The following KCNH5 variants were observed in gnomAD, a reference collection of about 807,000 sequenced individuals.
The protein encoded by KCNH5 is voltage-gated delayed rectifier potassium channel KCNH5.
Under a neutral mutation model 96.1 loss-of-function variants are expected in KCNH5, and 46 were observed. That is an observed-to-expected ratio of 0.48 (90% CI 0.38 to 0.61). The LOEUF (loss-of-function observed/expected upper bound fraction) is 0.61. KCNH5 is among the 20% of genes least tolerant of loss of function. KCNH5 has a pLI of 0.00. For missense variants in KCNH5, 907 were observed against 1,225.8 expected (o/e 0.74, Z 3.88); for synonymous variants, 439 against 449.8 (o/e 0.98, Z 0.30).
chr14:63,031,411 AG>A (rs1891623700), intron 1 of KCNH5, among the ~76,000 whole-genome samples: 1 of 152,190 alleles, frequency 6.6e-6, no homozygotes, highest in African/African-American at 2.4e-5. Flanking sequence ...GGTTATATTC[AG>A]TCAATAAAGG....
At position 62,950,245 on chromosome 14, in the gene KCNH5, G is replaced by A. The variant is rs372290413; in HGVS notation, c.1257C>T (p.Tyr419=). 1.5e-4 allele frequency: 234 copies of A among 1,613,764 alleles called. No individual in the cohort carries two copies. Among genetic ancestry groups the A allele is most frequent in the Non-Finnish European group, 1.8e-4 (215 of 1,179,876 alleles). ...WEGGPSKDSL[Y]VSSLYFTMTS... Reference sequence around the variant, plus strand: ...TCATGGTAAAGTAGAGAGAGGACACGTACAATGAATCCTTGCTGGGTCCTC... The same window carrying A: ...TCATGGTAAAGTAGAGAGAGGACACATACAATGAATCCTTGCTGGGTCCTC... The change falls in exon 7 of 11, where the codon TAC becomes TAT. Residue 419 remains tyrosine (Y), a synonymous_variant. Transcript: ENST00000322893.
chr14:62,873,597 T>C (rs1273473839), intron 7 of KCNH5, among the ~76,000 whole-genome samples: 1 of 152,256 alleles, frequency 6.6e-6, no homozygotes, highest in Non-Finnish European at 1.5e-5. Context: ...CTTTGAATTA[T>C]ATAGCGTTTG....
Position 62,702,875 on chromosome 14 carries a change from C to T in KCNH5, c.*4633G>A, listed in dbSNP as rs1031447930. On this transcript the variant is annotated 3_prime_UTR_variant, in exon 11 of 11. Transcript: ENST00000322893. The stretch of plus-strand genomic sequence containing the variant: ...GAATTTTGTTATAAGAGTGTCTGCC[C>T]ATGTGGAATCATATATCTTGAACAG... 6.6e-6 allele frequency: 1 copy of T among 151,778 alleles called. No individual in the cohort carries two copies. Among genetic ancestry groups the T allele is most frequent in the African/African-American group, 2.4e-5 (1 of 41,360 alleles). 9.4% of individuals were successfully genotyped at this position (151,778 alleles called of 1,614,324 possible). A position where few individuals can be genotyped will look rare whatever the true frequency, so the allele number is the denominator to read the frequency against.
chr14:62,712,731 T>G, intron 10 of KCNH5: 1 of 776,508 alleles, frequency 1.3e-6, no homozygotes, highest in Admixed American at 1.7e-5. Flanking sequence ...AAGCAGTGAA[T>G]TGAACACAAT....
At position 62,708,139 on chromosome 14, in the gene KCNH5, C is replaced by A. The variant is rs746510026; in HGVS notation, c.2336G>T (p.Arg779Leu). ...KTSESLKQNN[R>L]DAMELKPNGG... ...GTTGGGCTTGAGTTCCATGGCATCA[C>A]GGTTGTTCTGCTTAAGGGATTCACT... is the stretch of plus-strand genomic sequence containing the variant. Residue 779 changes from arginine to leucine, a missense_variant, in exon 11 of 11, where the codon CGT (arginine) becomes CTT (leucine). Transcript: ENST00000322893. 1.9e-6 allele frequency: 3 copies of A among 1,614,090 alleles called. No individual in the cohort carries two copies. Among genetic ancestry groups the A allele is most frequent in the Non-Finnish European group, 2.5e-6 (3 of 1,180,064 alleles).
At chr14:62,741,313 T>C (rs946093556) in intron 10 of KCNH5, among the ~76,000 whole-genome samples, 9 of 152,172 alleles carry the variant, frequency 5.9e-5, no homozygotes, top group African/African-American at 2.2e-4. Flanking sequence ...TGGTTTAGAC[T>C]GGAAGAAGTC....
intron 6 of KCNH5, among the ~76,000 whole-genome samples, chr14:62,952,648 C>T (rs764367062): frequency 2.4e-4 from 36 of 152,072 alleles, no homozygotes; most frequent in Non-Finnish European, 3.7e-4. Flanking sequence ...TCATTTCTAC[C>T]TGAATTCTTT....
rs1884362272 is a variant in KCNH5 at position 62,702,417 on chromosome 14, A to G, written c.*5091T>C. 1 of 152,060 alleles carries G rather than the reference A, an allele frequency of 6.6e-6. No homozygotes were observed. The highest frequency in any genetic ancestry group is 2.4e-5 in the African/African-American group (1 of 41,456). 9.4% of individuals were successfully genotyped at this position (152,060 alleles called of 1,614,324 possible). A position where few individuals can be genotyped will look rare whatever the true frequency, so the allele number is the denominator to read the frequency against. ...CCTAGACTAGATGGTTGAACTAGAT[A>G]GTTCTTGTAATGTCAGTATTCTACA... On this transcript the variant is annotated 3_prime_UTR_variant, in exon 11 of 11. Transcript: ENST00000322893.
intron 1 of KCNH5, among the ~76,000 whole-genome samples, chr14:63,039,505 CAT>C (rs2139632513): frequency 6.6e-6 from 1 of 151,998 alleles, no homozygotes; most frequent in East Asian, 1.9e-4. Flanking sequence ...AAAGATGTCT[CAT>C]AGAGAAAAAA....
intron 2 of KCNH5, among the ~76,000 whole-genome samples, chr14:63,013,751 T>C (rs1347460087): frequency 6.6e-6 from 1 of 152,136 alleles, no homozygotes; most frequent in Non-Finnish European, 1.5e-5. Flanking sequence ...TTTAGGCTTT[T>C]TTTTACTTGA....
chr14:62,957,836 G>A (rs971176906), intron 6 of KCNH5, among the ~76,000 whole-genome samples: 1 of 152,160 alleles, frequency 6.6e-6, no homozygotes, highest in African/African-American at 2.4e-5. Flanking sequence ...GCTGACCACA[G>A]ATGCATGAGT....
Position 63,002,543 on chromosome 14 carries a change from G to A in KCNH5, c.305-1084C>T, listed in dbSNP as rs115600083. Among the ~76,000 whole-genome samples the A allele has an allele frequency of 4.1e-3, 623 of 152,230 alleles. 4 individuals carry two copies. The highest frequency in any genetic ancestry group is 0.014 in the African/African-American group (565 of 41,538). On this transcript the variant is annotated intron_variant, in intron 3 of 10. Transcript: ENST00000322893. ...AGGTTTAGGATTTGGGGAGTGAAAC[G>A]TGCAGGTATTAATAGTCTGTAGGTA...
chr14:62,948,312 G>A (rs1415650020), intron 7 of KCNH5, among the ~76,000 whole-genome samples: 2 of 152,174 alleles, frequency 1.3e-5, no homozygotes, highest in African/African-American at 4.8e-5. Flanking sequence ...CTTTATAGCA[G>A]CATATAAAGG....
At chr14:62,855,891 G>A (rs1035587326) in intron 7 of KCNH5, among the ~76,000 whole-genome samples, 1 of 151,904 alleles carries the variant, frequency 6.6e-6, no homozygotes, top group African/African-American at 2.4e-5. Context: ...CCTATTATAT[G>A]CCAGCCACTA....
At chr14:62,994,053 A>G (rs909221583) in intron 4 of KCNH5, among the ~76,000 whole-genome samples, 1 of 152,114 alleles carries the variant, frequency 6.6e-6, no homozygotes, top group Non-Finnish European at 1.5e-5. Flanking sequence ...TCTTAAAAAT[A>G]AAAAGAAGTC....
Position 62,754,148 on chromosome 14 carries a change from G to A in KCNH5, c.2019+25580C>T, listed in dbSNP as rs547326030. On this transcript the variant is annotated intron_variant, in intron 10 of 10. Transcript: ENST00000322893. Reference sequence around the variant, plus strand: ...TTTATTAGTTCTCTTTGGCTTATCTGTTTGTTTGCAATCAGTATTAATTTG... The same window carrying A: ...TTTATTAGTTCTCTTTGGCTTATCTATTTGTTTGCAATCAGTATTAATTTG... Among the ~76,000 whole-genome samples the A allele has an allele frequency of 5.3e-5, 8 of 152,218 alleles. No homozygotes were observed. In the South Asian group the frequency reaches 1.7e-3, roughly 32 times the overall value.
chr14:62,812,695 C>T (rs1886897275), intron 8 of KCNH5, among the ~76,000 whole-genome samples: 1 of 152,010 alleles, frequency 6.6e-6, no homozygotes. Context: ...TATCTTCTCA[C>T]TCGTTCTTTG....
intron 10 of KCNH5, among the ~76,000 whole-genome samples, chr14:62,754,587 A>T (rs568531714): frequency 3.2e-4 from 48 of 152,250 alleles, no homozygotes; most frequent in African/African-American, 1.1e-3. Flanking sequence ...AATAAAAAAA[A>T]TAGAGCCAGG....
At chr14:62,805,638 C>A (rs1035899708) in intron 8 of KCNH5, among the ~76,000 whole-genome samples, 1 of 152,130 alleles carries the variant, frequency 6.6e-6, no homozygotes, top group Non-Finnish European at 1.5e-5. Context: ...CAAGACCTGG[C>A]CCACTGGTCT....
Sources: allele counts gnomAD v4.1 joint callset (sites outside exome capture counted in the v4.1 genomes callset), GRCh38; gene constraint gnomAD v4.1.1; transcripts MANE v1.5; gene names NCBI Gene and HGNC (gene_info 2026-07-23, HGNC 2026-07-21).